Variants in SPATS2L observed in about 807,000 individuals in gnomAD.
SPATS2L encodes spermatogenesis associated serine rich 2 like.
Under a neutral mutation model 59.6 loss-of-function variants are expected in SPATS2L, and 30 were observed. That is an observed-to-expected ratio of 0.50 (90% CI 0.38 to 0.68). The LOEUF (loss-of-function observed/expected upper bound fraction) is 0.68. Ranked by LOEUF, SPATS2L falls within the 30% of genes least tolerant of loss-of-function variation. The pLI, the probability that SPATS2L is intolerant of heterozygous loss-of-function variation, is 0.00. For missense variants in SPATS2L, 615 were observed against 700.0 expected, an observed-to-expected ratio of 0.88 and a Z score of 1.37; for synonymous variants, 252 against 263.5, an observed-to-expected ratio of 0.96 and a Z score of 0.42.
intron 1 of SPATS2L, among the ~76,000 whole-genome samples, chr2:200,313,907 C>T (rs913888994): frequency 3.3e-5 from 5 of 152,042 alleles, no homozygotes; most frequent in African/African-American, 1.2e-4. Flanking sequence ...TCTGAGTTAT[C>T]CATTTCTCCT....
chr2:200,389,265 T>G lies in SPATS2L; in HGVS notation c.21T>G (p.His7Gln). 1.3e-6 allele frequency: 2 copies of G among 1,584,946 alleles called. No individual in the cohort carries two copies. The highest frequency in any genetic ancestry group is 1.7e-6 in the Non-Finnish European group (2 of 1,163,406). Residue 7 changes from histidine to glutamine, a missense_variant, in exon 3 of 13, where the codon CAT becomes CAG. Around this residue, in one of 3 missense-constraint regions of SPATS2L, gnomAD observed 227 missense variants for 257.4 expected, o/e 0.88. Transcript: ENST00000409140. ...GCAAGATGGCTGAACTCAATACTCA[T>G]GTGAATGTCAAGGAAAAGGTAAGAT... MAELNT[H>Q]VNVKEKIYAV...
intron 2 of SPATS2L, among the ~76,000 whole-genome samples, chr2:200,340,573 AG>A (rs1210094274): frequency 6.6e-6 from 1 of 151,892 alleles, no homozygotes; most frequent in East Asian, 1.9e-4. Flanking sequence ...GCTCACATGG[AG>A]GGGGTGCAGC....
intron 8 of SPATS2L, among the ~76,000 whole-genome samples, chr2:200,450,199 G>A (rs1449817358): frequency 1.3e-5 from 2 of 152,166 alleles, no homozygotes; most frequent in African/African-American, 2.4e-5. Context: ...TCATATATAA[G>A]TAATGTATCT....
At chr2:200,381,475 A>T (rs3754794) in intron 2 of SPATS2L, among the ~76,000 whole-genome samples, 1 of 151,712 alleles carries the variant, frequency 6.6e-6, no homozygotes, top group Non-Finnish European at 1.5e-5. Flanking sequence ...AGTTCTTCCA[A>T]CTCTCCCTAT....
intron 6 of SPATS2L, among the ~76,000 whole-genome samples, chr2:200,437,934 C>T (rs1166067135): frequency 6.6e-6 from 1 of 152,020 alleles, no homozygotes; most frequent in Admixed American, 6.6e-5. Context: ...TTAATTAGAT[C>T]ATAATTCTAC....
chr2:200,361,550 C>T (rs1299114955), intron 2 of SPATS2L, among the ~76,000 whole-genome samples: 1 of 152,206 alleles, frequency 6.6e-6, no homozygotes, highest in Non-Finnish European at 1.5e-5. Flanking sequence ...TTCTCCAAAT[C>T]GTTAAGGCTT....
chr2:200,333,196 G>A (rs2080012190), intron 2 of SPATS2L, among the ~76,000 whole-genome samples: 1 of 151,786 alleles, frequency 6.6e-6, no homozygotes. Flanking sequence ...TGAGGTGGGA[G>A]GATCAGTTGA....
chr2:200,335,681 G>T (rs755523329), intron 2 of SPATS2L, among the ~76,000 whole-genome samples: 1 of 152,216 alleles, frequency 6.6e-6, no homozygotes, highest in Admixed American at 6.5e-5. Context: ...AGAAGTGAAC[G>T]ACTGTGTCAC....
chr2:200,318,185 A>AT (rs1224952990), intron 1 of SPATS2L, among the ~76,000 whole-genome samples: 4 of 152,182 alleles, frequency 2.6e-5, no homozygotes, highest in African/African-American at 7.2e-5. Flanking sequence ...CAGTCCTGTA[A>AT]TTTTTTAAGG....
chr2:200,333,221 G>A (rs2105800512), intron 2 of SPATS2L, among the ~76,000 whole-genome samples: 2 of 151,882 alleles, frequency 1.3e-5, no homozygotes, highest in South Asian at 4.2e-4. Context: ...AGGAAGGAAA[G>A]ACTGCAGTGA....
chr2:200,412,566 A>G, intron 4 of SPATS2L, 147 bp downstream of exon 4: 1 of 418,250 alleles, frequency 2.4e-6, no homozygotes, highest in Middle Eastern at 6.1e-4. Flanking sequence ...TGATTGCGCT[A>G]CTGCACTCTA....
At chr2:200,432,468 G>A (rs1432018951) in intron 6 of SPATS2L, among the ~76,000 whole-genome samples, 1 of 152,224 alleles carries the variant, frequency 6.6e-6, no homozygotes, top group Non-Finnish European at 1.5e-5. Context: ...AAGGCAAAAA[G>A]GGAGGAAGAG....
At chr2:200,318,917 G>C (rs1452482947) in intron 1 of SPATS2L, among the ~76,000 whole-genome samples, 1 of 152,178 alleles carries the variant, frequency 6.6e-6, no homozygotes, top group Non-Finnish European at 1.5e-5. Context: ...ACAGTAGTCT[G>C]CAGTGCTCCG....
chr2:200,457,306 A>G (rs1433591211), intron 8 of SPATS2L, among the ~76,000 whole-genome samples: 2 of 152,292 alleles, frequency 1.3e-5, no homozygotes, highest in Non-Finnish European at 1.5e-5. Flanking sequence ...AGAGAAGCTC[A>G]TAATCACAGG....
At chr2:200,440,861 C>T (rs2084649473) in intron 8 of SPATS2L, 77 bp downstream of exon 8, 17 of 1,516,312 alleles carry the variant, frequency 1.1e-5, no homozygotes, top group Non-Finnish European at 1.4e-5. Context: ...AGATGGAAAA[C>T]GTTGTTTATT....
rs184520533 is a variant in SPATS2L, at chr2:200,382,818, C to T, written c.-22-6405C>T. Reference sequence around the variant, plus strand: ...CAAGCACTTAGCAGAGTGTCTGGTACGTTATAAGTTCTCCAGAAGTGTGCT... The same window carrying T: ...CAAGCACTTAGCAGAGTGTCTGGTATGTTATAAGTTCTCCAGAAGTGTGCT... On this transcript the variant is annotated intron_variant, in intron 2 of 12. Transcript: ENST00000409140. Among the ~76,000 whole-genome samples, 35 of 152,194 alleles carry T rather than the reference C, an allele frequency of 2.3e-4. No homozygotes were observed. In the East Asian group the frequency reaches 4.6e-3, roughly 20 times the overall value.
chr2:200,441,297 C>A (rs923882631), intron 8 of SPATS2L, among the ~76,000 whole-genome samples: 3 of 152,136 alleles, frequency 2.0e-5, no homozygotes, highest in African/African-American at 7.2e-5. Flanking sequence ...CCCTTCCCTG[C>A]TACTGATTTT....
intron 6 of SPATS2L, among the ~76,000 whole-genome samples, chr2:200,429,495 A>G (rs963393102): frequency 2.6e-5 from 4 of 152,314 alleles, no homozygotes; most frequent in African/African-American, 9.6e-5. Flanking sequence ...GTCAAAGGGC[A>G]CAGACTGAGC....
chr2:200,453,940 C>T (rs1055038638), intron 8 of SPATS2L, among the ~76,000 whole-genome samples: 1 of 152,148 alleles, frequency 6.6e-6, no homozygotes, highest in Non-Finnish European at 1.5e-5. Flanking sequence ...TTCTCTCCAG[C>T]AGTTCCCACC....
Sources: gnomAD v4.1 joint callset for allele counts (sites outside exome capture counted in the v4.1 genomes callset) on GRCh38, gnomAD v4.1.1 for gene constraint, gnomAD v4.1.1 regional missense constraint, MANE v1.5 for transcripts, NCBI Gene and HGNC (gene_info 2026-07-23, HGNC 2026-07-21) for gene names.